TRPM3: variants seen among roughly 807,000 people sequenced by gnomAD.
TRPM3 encodes transient receptor potential cation channel subfamily M member 3.
Under a neutral mutation model 181.2 loss-of-function variants are expected in TRPM3, and 77 were observed. That is an observed-to-expected ratio of 0.42 (90% CI 0.35 to 0.51). The LOEUF (loss-of-function observed/expected upper bound fraction) is 0.51. Ranked by LOEUF, TRPM3 falls within the 20% of genes least tolerant of loss-of-function variation. The pLI, the probability that TRPM3 is intolerant of heterozygous loss-of-function variation, is 0.01. For missense variants in TRPM3, 1,759 were observed against 2,196.7 expected (o/e 0.80, Z 3.98); for synonymous variants, 745 against 796.4 (o/e 0.94, Z 1.09).
At chr9:71,153,960 T>C (rs560108835) in intron 1 of TRPM3, among the ~76,000 whole-genome samples, 2 of 152,280 alleles carry the variant, frequency 1.3e-5, no homozygotes, top group Non-Finnish European at 2.9e-5. Flanking sequence ...TTGAGGTGTA[T>C]GTAGCCATCT....
intron 1 of TRPM3, among the ~76,000 whole-genome samples, chr9:71,058,404 T>C (rs1283017971): frequency 6.6e-6 from 1 of 151,874 alleles, no homozygotes; most frequent in East Asian, 1.9e-4. Flanking sequence ...TGCAGGAGGG[T>C]TGGCTCTGAA....
Position 70,684,634 on chromosome 9 carries a change from A to G in TRPM3, c.1273-3056T>C, listed in dbSNP as rs942606560. On this transcript the variant is annotated intron_variant, in intron 8 of 25. Coordinates refer to ENST00000677713, the MANE Select transcript of TRPM3 (RefSeq NM_001366145.2). Reference sequence around the variant, plus strand: ...AGAAAAACTAAGGCCTTCCTTTCCTATCACCCATCAATGTTGGCAGAGATG... The same window carrying G: ...AGAAAAACTAAGGCCTTCCTTTCCTGTCACCCATCAATGTTGGCAGAGATG... Among the ~76,000 whole-genome samples, 6 of 152,326 alleles carry G rather than the reference A, an allele frequency of 3.9e-5. No individual in the cohort carries two copies. The East Asian group carries it at 1.2e-3, about 29-fold the overall frequency.
At chr9:70,935,179 A>C (rs767808146) in intron 1 of TRPM3, among the ~76,000 whole-genome samples, 26 of 152,100 alleles carry the variant, frequency 1.7e-4, no homozygotes, top group Non-Finnish European at 3.1e-4. Context: ...TTCTCTGGGC[A>C]GTTGTTTTTT....
intron 1 of TRPM3, among the ~76,000 whole-genome samples, chr9:70,909,382 C>T (rs1564737868): frequency 2.0e-5 from 3 of 152,080 alleles, no homozygotes; most frequent in Non-Finnish European, 2.9e-5. Context: ...GTGATGGGAG[C>T]GGTTAGACCC....
intron 1 of TRPM3, among the ~76,000 whole-genome samples, chr9:71,075,921 G>A (rs2063389844): frequency 6.6e-6 from 1 of 152,142 alleles, no homozygotes; most frequent in Admixed American, 6.6e-5. Context: ...ACACAAACAG[G>A]ACAGAGATGG....
chr9:71,227,397 A>G (rs1222865305), intron 1 of TRPM3, among the ~76,000 whole-genome samples: 1 of 152,024 alleles, frequency 6.6e-6, no homozygotes, highest in East Asian at 1.9e-4. Flanking sequence ...ACTGAAAAAT[A>G]AGAAAAACTT....
chr9:70,797,992 C>G (rs1269096140), intron 6 of TRPM3, among the ~76,000 whole-genome samples: 1 of 152,216 alleles, frequency 6.6e-6, no homozygotes, highest in African/African-American at 2.4e-5. Flanking sequence ...TTGGGTTCCA[C>G]CAAGTACTTC....
intron 7 of TRPM3, among the ~76,000 whole-genome samples, chr9:70,779,552 G>A (rs2082078408): frequency 6.6e-6 from 1 of 152,064 alleles, no homozygotes; most frequent in African/African-American, 2.4e-5. Context: ...TGACACTTCG[G>A]TTGAGCATTA....
At chr9:70,781,345 A>AG (rs1175390189) in intron 7 of TRPM3, among the ~76,000 whole-genome samples, 58 of 146,480 alleles carry the variant, frequency 4.0e-4, no homozygotes, top group Admixed American at 6.2e-4. Flanking sequence ...AAAAAAAAAA[A>AG]AAAAGAAAAC....
Position 71,437,478 on chromosome 9 carries a change from A to G in TRPM3, c.183+9175T>C, listed in dbSNP as rs1279874937. 2.6e-5 allele frequency among the ~76,000 whole-genome samples: 4 copies of G among 152,356 alleles called. No individual in the cohort carries two copies. In the East Asian group the frequency reaches 7.7e-4, roughly 29 times the overall value. ...TTTATAAATGATGTTTTGTTGGAACACAGCCATGACCATTTATTTACATAA... is the reference window on the plus strand; with the variant it reads ...TTTATAAATGATGTTTTGTTGGAACGCAGCCATGACCATTTATTTACATAA... On this transcript the variant is annotated intron_variant, in intron 1 of 24. Coordinates refer to the TRPM3 transcript ENST00000357533.
At chr9:71,155,214 G>C (rs957975543) in intron 1 of TRPM3, among the ~76,000 whole-genome samples, 2 of 152,100 alleles carry the variant, frequency 1.3e-5, no homozygotes, top group African/African-American at 4.8e-5. Context: ...CTTAGCAGAT[G>C]AACTTAAACA....
At chr9:71,005,802 A>G (rs951261243) in intron 1 of TRPM3, among the ~76,000 whole-genome samples, 4 of 152,232 alleles carry the variant, frequency 2.6e-5, no homozygotes, top group East Asian at 1.9e-4. Context: ...AGAAGAGGAT[A>G]CAAATGGGTA....
At chr9:70,909,482 C>T (rs2096513613) in intron 1 of TRPM3, among the ~76,000 whole-genome samples, 1 of 152,082 alleles carries the variant, frequency 6.6e-6, no homozygotes, top group Non-Finnish European at 1.5e-5. Context: ...GAAGCCCAGG[C>T]CTTACTCTGG....
chr9:70,944,491 C>T (rs904605109), intron 1 of TRPM3, among the ~76,000 whole-genome samples: 4 of 152,108 alleles, frequency 2.6e-5, no homozygotes, highest in Non-Finnish European at 4.4e-5. Flanking sequence ...TCTATGATCT[C>T]TTTTGTCCTT....
At chr9:71,222,273 C>T (rs946018249) in intron 1 of TRPM3, among the ~76,000 whole-genome samples, 10 of 152,144 alleles carry the variant, frequency 6.6e-5, no homozygotes, top group Non-Finnish European at 1.3e-4. Context: ...GATCTGAGTC[C>T]AAAAGTTAAA....
chr9:71,261,697 C>A (rs1032000365), intron 1 of TRPM3, among the ~76,000 whole-genome samples: 1 of 152,154 alleles, frequency 6.6e-6, no homozygotes, highest in African/African-American at 2.4e-5. Flanking sequence ...CATGGTCATC[C>A]TTTTTGTTCA....
intron 25 of TRPM3, among the ~76,000 whole-genome samples, chr9:70,541,583 T>C (rs10868850): frequency 0.84 from 125,794 of 150,348 alleles, 52,873 homozygotes; most frequent in East Asian, 0.97. Context: ...GCGATCTCGG[T>C]TCACCCCAAC....
chr9:71,345,831 T>C (rs1299204901), intron 1 of TRPM3, among the ~76,000 whole-genome samples: 2 of 152,190 alleles, frequency 1.3e-5, no homozygotes, highest in East Asian at 3.8e-4. Flanking sequence ...ATTATTGGTT[T>C]TCAGGGAAAT....
At chr9:70,839,337 AC>A (rs2094506633) in intron 5 of TRPM3, among the ~76,000 whole-genome samples, 1 of 152,120 alleles carries the variant, frequency 6.6e-6, no homozygotes, top group Admixed American at 6.6e-5. Flanking sequence ...ATGAGATGAG[AC>A]CTGAAGGGAG....
Sources: gnomAD v4.1 joint callset for allele counts (sites outside exome capture counted in the v4.1 genomes callset) on GRCh38, gnomAD v4.1.1 for gene constraint, MANE v1.5 for transcripts, NCBI Gene and HGNC (gene_info 2026-07-23, HGNC 2026-07-21) for gene names.